NSMCE2: variants seen among roughly 807,000 people sequenced by gnomAD.
NSMCE2 encodes E3 SUMO-protein ligase NSE2.
In NSMCE2, 24 loss-of-function variants were observed where a neutral mutation model predicts 23.8. That is an observed-to-expected ratio of 1.01 (90% CI 0.73 to 1.42). NSMCE2 has a LOEUF of 1.42. Among genes scored for constraint, NSMCE2 ranks in the 40% most tolerant of loss-of-function variants. NSMCE2 has a pLI of 0.00. For missense variants in NSMCE2, 284 were observed against 296.5 expected (o/e 0.96, Z 0.31); for synonymous variants, 92 against 94.1 (o/e 0.98, Z 0.13).
intron 3 of NSMCE2, among the ~76,000 whole-genome samples, chr8:125,114,208 C>A (rs1467511620): frequency 6.6e-6 from 1 of 152,134 alleles, no homozygotes; most frequent in Non-Finnish European, 1.5e-5. Context: ...TTAATACTTA[C>A]CACTACCTCA....
At chr8:125,292,745 G>A (rs1160327255) in intron 5 of NSMCE2, among the ~76,000 whole-genome samples, 1 of 152,266 alleles carries the variant, frequency 6.6e-6, no homozygotes, top group East Asian at 1.9e-4. Context: ...GTCAGTGCTG[G>A]AAAATTCAGA....
intron 5 of NSMCE2, chr8:125,348,346 T>C (rs764508768): frequency 2.6e-4 from 39 of 152,232 alleles, no homozygotes; most frequent in Non-Finnish European, 5.1e-4. Context: ...AAATTTATGT[T>C]TGTTGAACTT....
rs1321019277 is a variant in NSMCE2 at position 125,366,813 on chromosome 8, T to C, written c.672T>C (p.Asp224=). Residue 224 remains aspartate (D), a synonymous_variant, in exon 8 of 8, where the codon GAT becomes GAC. Transcript: ENST00000287437. ...GCCACACGGATATAAGAAAGTCAGA[T>C]CTTATCCAGGATGAAGCACTTAGAA... ...GCSHTDIRKS[D]LIQDEALRRA... is the part of the protein sequence containing the mutation. 1 of 1,613,622 alleles carries C rather than the reference T, an allele frequency of 6.2e-7. No homozygotes were observed. Among genetic ancestry groups the C allele is most frequent in the Non-Finnish European group, 8.5e-7 (1 of 1,179,510 alleles).
chr8:125,161,760 C>G (rs967830615), intron 4 of NSMCE2, among the ~76,000 whole-genome samples: 1 of 150,610 alleles, frequency 6.6e-6, no homozygotes, highest in Admixed American at 6.6e-5. Context: ...CCACTGCACT[C>G]CAGCTTGGGT....
chr8:125,164,278 G>A (rs950143548), intron 4 of NSMCE2, among the ~76,000 whole-genome samples: 3 of 152,308 alleles, frequency 2.0e-5, no homozygotes, highest in East Asian at 1.9e-4. Context: ...AGGGACTTGC[G>A]CAGATCACTT....
intron 5 of NSMCE2, among the ~76,000 whole-genome samples, chr8:125,272,981 C>T (rs763673345): frequency 5.9e-5 from 9 of 151,998 alleles, no homozygotes; most frequent in African/African-American, 1.7e-4. Context: ...CTGGGTGACA[C>T]GGGGCAGGAT....
chr8:125,093,970 A>ATT (rs545614657), intron 1 of NSMCE2, among the ~76,000 whole-genome samples: 3 of 144,504 alleles, frequency 2.1e-5, no homozygotes, highest in Non-Finnish European at 3.1e-5. Flanking sequence ...GTAAGTTTAA[A>ATT]TTTTTTTTTT....
chr8:125,208,878 C>T (rs1295676371), intron 5 of NSMCE2, among the ~76,000 whole-genome samples: 1 of 152,208 alleles, frequency 6.6e-6, no homozygotes, highest in Non-Finnish European at 1.5e-5. Flanking sequence ...CATGCAATAA[C>T]ATGACTATAG....
intron 1 of NSMCE2, among the ~76,000 whole-genome samples, chr8:125,100,716 A>G (rs1427608167): frequency 1.3e-5 from 2 of 152,038 alleles, no homozygotes; most frequent in Non-Finnish European, 2.9e-5. Flanking sequence ...GCCCACTACC[A>G]TGCCCTGCTG....
chr8:125,203,628 C>G (rs1823983353), intron 5 of NSMCE2, among the ~76,000 whole-genome samples: 1 of 152,124 alleles, frequency 6.6e-6, no homozygotes, highest in Admixed American at 6.5e-5. Context: ...CCCCCATTAT[C>G]AATATTTTAG....
chr8:125,166,757 T>C (rs1003523976), intron 4 of NSMCE2, among the ~76,000 whole-genome samples: 2 of 152,186 alleles, frequency 1.3e-5, no homozygotes, highest in Non-Finnish European at 2.9e-5. Flanking sequence ...GTCCCAGCTA[T>C]GGAAGACTGG....
chr8:125,337,048 G>T (rs565120816), intron 5 of NSMCE2, among the ~76,000 whole-genome samples: 2 of 152,302 alleles, frequency 1.3e-5, no homozygotes, highest in African/African-American at 4.8e-5. Flanking sequence ...TTATGGGTTT[G>T]CATGAATTGC....
chr8:125,331,775 G>A (rs751830332), intron 5 of NSMCE2, among the ~76,000 whole-genome samples: 6 of 152,114 alleles, frequency 3.9e-5, no homozygotes, highest in African/African-American at 7.2e-5. Context: ...TTCAGTCAAC[G>A]GTAAAGTTTC....
chr8:125,307,323 G>C (rs1828805078), intron 5 of NSMCE2, among the ~76,000 whole-genome samples: 1 of 152,238 alleles, frequency 6.6e-6, no homozygotes. Context: ...TGTATGGCGA[G>C]ATGCCTAGTA....
At chr8:125,363,345 A>T (rs1173474280) in intron 7 of NSMCE2, 1 of 151,834 alleles carries the variant, frequency 6.6e-6, no homozygotes, top group Non-Finnish European at 1.5e-5. Context: ...TCTACCAAAA[A>T]TTTTTTAAAA....
intron 3 of NSMCE2, among the ~76,000 whole-genome samples, chr8:125,141,215 C>T (rs1200134528): frequency 2.0e-5 from 3 of 152,154 alleles, no homozygotes; most frequent in Non-Finnish European, 4.4e-5. Flanking sequence ...TCAAAGATGT[C>T]GTGGTCTCCA....
chr8:125,316,779 C>CTCTCTT (rs1563780431), intron 5 of NSMCE2, among the ~76,000 whole-genome samples: 372 of 140,716 alleles, frequency 2.6e-3, no homozygotes, highest in Non-Finnish European at 3.5e-3. Flanking sequence ...TTCTCTCTCT[C>CTCTCTT]TCTTTCTTTC....
chr8:125,146,935 T>C (rs1251787859), intron 3 of NSMCE2, among the ~76,000 whole-genome samples: 1 of 152,178 alleles, frequency 6.6e-6, no homozygotes, highest in Non-Finnish European at 1.5e-5. Flanking sequence ...CTAACTCTTA[T>C]GTTGCCCTGA....
intron 5 of NSMCE2, among the ~76,000 whole-genome samples, chr8:125,233,727 A>C (rs75775990): frequency 0.031 from 4,750 of 152,272 alleles, 248 homozygotes; most frequent in African/African-American, 0.11. Context: ...TAAGATTGTC[A>C]TAACTCCCAA....
Sources: allele counts gnomAD v4.1 joint callset (sites outside exome capture counted in the v4.1 genomes callset), GRCh38; gene constraint gnomAD v4.1.1; transcripts MANE v1.5; gene names NCBI Gene and HGNC (gene_info 2026-07-23, HGNC 2026-07-21).